Variants in TBC1D12 observed in about 807,000 individuals in gnomAD.
TBC1D12 encodes TBC1 domain family member 12, also known as TBC1 domain family, member 12.
A neutral mutation model predicts 86.7 loss-of-function variants in TBC1D12; 56 were observed. The ratio of observed to expected loss-of-function variants is 0.65; its 90% CI spans 0.52 to 0.81. The LOEUF is 0.81. TBC1D12 is among the 30% of genes least tolerant of loss of function. The pLI is 0.00. For synonymous variants in TBC1D12, 421 were observed against 411.7 expected (o/e 1.02, Z -0.27); for missense variants, 1,023 against 1,038.8 (o/e 0.98, Z 0.21).
At chr10:94,452,749 T>G (rs986445744) in intron 2 of TBC1D12, among the ~76,000 whole-genome samples, 1 of 152,204 alleles carries the variant, frequency 6.6e-6, no homozygotes, top group Non-Finnish European at 1.5e-5. Flanking sequence ...TCTAGACTTC[T>G]GCGTGCAATT....
intron 1 of TBC1D12, among the ~76,000 whole-genome samples, chr10:94,439,907 G>C (rs937861481): frequency 1.3e-5 from 2 of 152,146 alleles, no homozygotes; most frequent in African/African-American, 4.8e-5. Context: ...TTGATAAGTG[G>C]TACACAACGT....
intron 2 of TBC1D12, among the ~76,000 whole-genome samples, chr10:94,474,003 T>G (rs2055949687): frequency 6.6e-6 from 1 of 152,170 alleles, no homozygotes; most frequent in South Asian, 2.1e-4. Flanking sequence ...AAATTTAGAG[T>G]AAGTAGATCT....
intron 4 of TBC1D12, among the ~76,000 whole-genome samples, chr10:94,494,165 A>G (rs1353407343): frequency 6.6e-6 from 1 of 152,108 alleles, no homozygotes; most frequent in Non-Finnish European, 1.5e-5. Flanking sequence ...GTATTCATTC[A>G]TTCTCTTTTC....
chr10:94,509,009 C>T, intron 7 of TBC1D12: 1 of 152,042 alleles, frequency 6.6e-6, no homozygotes, highest in Admixed American at 6.6e-5. Flanking sequence ...GGGCTTATCA[C>T]CTCAATTCAA....
intron 4 of TBC1D12, among the ~76,000 whole-genome samples, chr10:94,495,167 G>C (rs2056298979): frequency 6.6e-6 from 1 of 151,996 alleles, no homozygotes; most frequent in African/African-American, 2.4e-5. Flanking sequence ...GGGATTATAG[G>C]TGCCCGCCAC....
At chr10:94,418,229 C>T (rs1479546685) in intron 1 of TBC1D12, among the ~76,000 whole-genome samples, 1 of 152,142 alleles carries the variant, frequency 6.6e-6, no homozygotes, top group East Asian at 1.9e-4. Context: ...TCTATTAATT[C>T]TCACAAAGCC....
chr10:94,422,498 A>C (rs2055089094), intron 1 of TBC1D12, among the ~76,000 whole-genome samples: 1 of 151,836 alleles, frequency 6.6e-6, no homozygotes, highest in Non-Finnish European at 1.5e-5. Flanking sequence ...GGGTTCATGT[A>C]GTTTTAAGGA....
intron 3 of TBC1D12, among the ~76,000 whole-genome samples, chr10:94,489,923 C>T (rs1211370454): frequency 6.6e-6 from 1 of 152,150 alleles, no homozygotes; most frequent in Non-Finnish European, 1.5e-5. Context: ...ATCACCATAA[C>T]AGATACAATG....
At chr10:94,436,018 T>G (rs985155421) in intron 1 of TBC1D12, among the ~76,000 whole-genome samples, 2 of 152,242 alleles carry the variant, frequency 1.3e-5, no homozygotes, top group Non-Finnish European at 2.9e-5. Flanking sequence ...ATTAATTTCT[T>G]TATCCCTGGG....
At chr10:94,463,191 G>T (rs569705042) in intron 2 of TBC1D12, among the ~76,000 whole-genome samples, 1 of 152,210 alleles carries the variant, frequency 6.6e-6, no homozygotes, top group African/African-American at 2.4e-5. Context: ...TTACGGATAT[G>T]TTTTCATAAA....
chr10:94,412,353 A>T (rs1356482877), intron 1 of TBC1D12, among the ~76,000 whole-genome samples: 1 of 152,216 alleles, frequency 6.6e-6, no homozygotes, highest in Non-Finnish European at 1.5e-5. Context: ...AAGATACTGG[A>T]TGAATTTTTG....
Position 94,448,377 on chromosome 10 carries a change from A to G in TBC1D12, c.1095+6358A>G, listed in dbSNP as rs144622856. 3.2e-3 allele frequency among the ~76,000 whole-genome samples: 489 copies of G among 152,338 alleles called. 2 individuals carry two copies. The highest frequency in any genetic ancestry group is 0.011 in the African/African-American group (472 of 41,576). On this transcript the variant is annotated intron_variant, in intron 2 of 12. Transcript: ENST00000225235. The stretch of plus-strand genomic sequence containing the variant: ...TTATTGGTTTTAATTATGCTTAAAT[A>G]TAGATATTCTTGCTGTAAAATTTGA...
chr10:94,424,897 G>A (rs2055127239), intron 1 of TBC1D12, among the ~76,000 whole-genome samples: 1 of 152,198 alleles, frequency 6.6e-6, no homozygotes, highest in Non-Finnish European at 1.5e-5. Context: ...TTCACGCAGG[G>A]TTTGGCAGTC....
At position 94,402,928 on chromosome 10, in the gene TBC1D12, A is replaced by T; in HGVS notation, c.315A>T (p.Arg105=). 2 of 1,535,992 alleles carry T rather than the reference A, an allele frequency of 1.3e-6. No individual in the cohort carries two copies. ...AGAPPPSAAP[R]SDACLLGSGS... ...CCCCGCCGCCCTCGGCAGCCCCACGATCGGACGCCTGCCTGCTGGGCTCGG... is the reference window on the plus strand; with the variant it reads ...CCCCGCCGCCCTCGGCAGCCCCACGTTCGGACGCCTGCCTGCTGGGCTCGG... The change falls in exon 1 of 13, where the codon CGA becomes CGT. Residue 105 remains arginine, a synonymous_variant. Transcript: ENST00000225235.
intron 3 of TBC1D12, among the ~76,000 whole-genome samples, chr10:94,482,231 C>A (rs1002147397): frequency 2.0e-5 from 3 of 152,158 alleles, no homozygotes; most frequent in Non-Finnish European, 2.9e-5. Context: ...TCATTTAGCT[C>A]TCACTTGTGA....
At chr10:94,449,136 C>T (rs553710775) in intron 2 of TBC1D12, among the ~76,000 whole-genome samples, 2 of 152,058 alleles carry the variant, frequency 1.3e-5, no homozygotes, top group East Asian at 1.9e-4. Context: ...TTCATTTTAT[C>T]AGAAACAGAG....
chr10:94,526,084 TC>T (rs1842280982), intron 11 of TBC1D12, among the ~76,000 whole-genome samples: 1 of 152,160 alleles, frequency 6.6e-6, no homozygotes, highest in Non-Finnish European at 1.5e-5. Context: ...GCCTATCTCT[TC>T]CTTCTCTCCA....
intron 2 of TBC1D12, among the ~76,000 whole-genome samples, chr10:94,449,308 G>A (rs879635530): frequency 6.6e-6 from 1 of 152,074 alleles, no homozygotes; most frequent in Admixed American, 6.6e-5. Flanking sequence ...AGATTGTGCT[G>A]GTAACTTTGC....
chr10:94,495,933 C>T (rs763564494), intron 4 of TBC1D12, among the ~76,000 whole-genome samples: 1 of 152,054 alleles, frequency 6.6e-6, no homozygotes, highest in Non-Finnish European at 1.5e-5. Context: ...GAATCTCTGT[C>T]TCTACTAAAA....
Sources: gnomAD v4.1 joint callset for allele counts (sites outside exome capture counted in the v4.1 genomes callset) on GRCh38, gnomAD v4.1.1 for gene constraint, MANE v1.5 for transcripts, NCBI Gene and HGNC (gene_info 2026-07-23, HGNC 2026-07-21) for gene names.